PSPC1: variants seen among roughly 807,000 people sequenced by gnomAD.
PSPC1 encodes the protein paraspeckle component 1.
PSPC1 carries 14 observed loss-of-function variants against 51.6 expected under a neutral mutation model. The ratio of observed to expected loss-of-function variants is 0.27; its 90% CI spans 0.18 to 0.42. The LOEUF (loss-of-function observed/expected upper bound fraction) is 0.42, where lower values mean the gene tolerates loss of function less well. Among genes scored for constraint, PSPC1 ranks in the 10% least tolerant of loss-of-function variants. The pLI is 1.00. For synonymous variants in PSPC1, 193 were observed against 231.9 expected (o/e 0.83, Z 1.53); for missense variants, 406 against 701.1 (o/e 0.58, Z 4.75).
intron 7 of PSPC1, among the ~76,000 whole-genome samples, chr13:19,708,587 C>A (rs1343537676): frequency 6.6e-6 from 1 of 152,168 alleles, no homozygotes; most frequent in Non-Finnish European, 1.5e-5. Flanking sequence ...CAAATCCATA[C>A]TAAAGTTGCT....
chr13:19,779,987 C>T (rs1593798330), intron 1 of PSPC1, among the ~76,000 whole-genome samples: 4 of 144,778 alleles, frequency 2.8e-5, no homozygotes, highest in East Asian at 4.3e-4. Context: ...CCCGGCCAGC[C>T]GCCCCGTCCG....
At chr13:19,676,475 T>C (rs1405717588) in intron 7 of PSPC1, among the ~76,000 whole-genome samples, 1 of 152,086 alleles carries the variant, frequency 6.6e-6, no homozygotes, top group Non-Finnish European at 1.5e-5. Context: ...AGGTGTCAGA[T>C]ACTTTGAAAA....
intron 6 of PSPC1, among the ~76,000 whole-genome samples, chr13:19,711,804 A>G (rs1015718606): frequency 6.6e-6 from 1 of 151,510 alleles, no homozygotes; most frequent in Non-Finnish European, 1.5e-5. Flanking sequence ...AGATTGCACT[A>G]TTGCACTCCA....
intron 5 of PSPC1, among the ~76,000 whole-genome samples, chr13:19,739,263 G>C (rs984127709): frequency 1.2e-4 from 18 of 151,988 alleles, no homozygotes; most frequent in African/African-American, 4.4e-4. Flanking sequence ...TTAATTTCTT[G>C]TATTTTTGTA....
intron 6 of PSPC1, among the ~76,000 whole-genome samples, chr13:19,713,267 C>G (rs1208154070): frequency 1.3e-5 from 2 of 152,238 alleles, no homozygotes; most frequent in South Asian, 4.1e-4. Flanking sequence ...TTGTAACCAA[C>G]ATCTCAAAAG....
chr13:19,728,439 A>AAAACACACACAC (rs1883625327), intron 6 of PSPC1, among the ~76,000 whole-genome samples: 1 of 144,344 alleles, frequency 6.9e-6, no homozygotes, highest in African/African-American at 2.7e-5. Flanking sequence ...TCAAAGCTTA[A>AAAACACACACAC]ACACACACAC....
intron 6 of PSPC1, among the ~76,000 whole-genome samples, chr13:19,687,591 TC>T (rs1878061627): frequency 6.6e-6 from 1 of 152,196 alleles, no homozygotes; most frequent in African/African-American, 2.4e-5. Flanking sequence ...CCCTTTCTCC[TC>T]TTTTTAGCAG....
intron 6 of PSPC1, among the ~76,000 whole-genome samples, chr13:19,687,593 T>A (rs1878061935): frequency 6.6e-6 from 1 of 152,180 alleles, no homozygotes; most frequent in African/African-American, 2.4e-5. Context: ...CTTTCTCCTC[T>A]TTTTAGCAGC....
At chr13:19,694,392 AAAG>A (rs1878964949) in intron 6 of PSPC1, among the ~76,000 whole-genome samples, 1 of 152,088 alleles carries the variant, frequency 6.6e-6, no homozygotes, top group African/African-American at 2.4e-5. Flanking sequence ...AAGCCACATT[AAAG>A]GAGGGAAAAA....
At chr13:19,715,109 G>T (rs944476509) in intron 6 of PSPC1, among the ~76,000 whole-genome samples, 1 of 152,148 alleles carries the variant, frequency 6.6e-6, no homozygotes, top group East Asian at 1.9e-4. Context: ...TCTTAACTCT[G>T]TAACGTTTTC....
chr13:19,692,239 TC>T (rs1462091833), intron 6 of PSPC1, among the ~76,000 whole-genome samples: 4 of 152,122 alleles, frequency 2.6e-5, no homozygotes, highest in African/African-American at 9.7e-5. Flanking sequence ...TTCTCCTGCC[TC>T]AGCCTCCCGA....
chr13:19,767,104 T>G (rs1285438088), intron 2 of PSPC1, among the ~76,000 whole-genome samples: 1 of 150,352 alleles, frequency 6.7e-6, no homozygotes, highest in African/African-American at 2.4e-5. Context: ...AGGCCAAGAG[T>G]TCAAGACCAG....
intron 6 of PSPC1, among the ~76,000 whole-genome samples, chr13:19,712,300 C>G (rs1425856262): frequency 6.6e-6 from 1 of 152,166 alleles, no homozygotes; most frequent in South Asian, 2.1e-4. Context: ...TACAGTCTCA[C>G]TGCTTGAGAT....
chr13:19,742,814 G>A (rs1054374462), intron 4 of PSPC1, among the ~76,000 whole-genome samples: 1 of 152,128 alleles, frequency 6.6e-6, no homozygotes, highest in Admixed American at 6.6e-5. Flanking sequence ...GACACCAGCA[G>A]AGAGCACTTA....
At chr13:19,716,176 A>C (rs1882071668) in intron 6 of PSPC1, among the ~76,000 whole-genome samples, 1 of 152,214 alleles carries the variant, frequency 6.6e-6, no homozygotes, top group Non-Finnish European at 1.5e-5. Context: ...AAAATTCAAA[A>C]AAATCCAAAT....
At chr13:19,674,329 A>AAAT (rs1370378892), downstream of PSPC1, among the ~76,000 whole-genome samples, 1 of 152,242 alleles carries the variant, frequency 6.6e-6, no homozygotes, top group African/African-American at 2.4e-5. Flanking sequence ...TTCAGTCCAG[A>AAAT]AATAGAAAAA....
At chr13:19,707,253 A>G (rs1880804867) in intron 7 of PSPC1, among the ~76,000 whole-genome samples, 2 of 152,206 alleles carry the variant, frequency 1.3e-5, no homozygotes. Flanking sequence ...TATGGGTATA[A>G]AAAATCAAAA....
At chr13:19,779,914 G>T (rs1419738253) in intron 1 of PSPC1, among the ~76,000 whole-genome samples, 358 of 113,238 alleles carry the variant, frequency 3.2e-3, no homozygotes, top group African/African-American at 6.9e-3. Flanking sequence ...GGAGGTGGGG[G>T]TGTCGGCCCC....
At chr13:19,748,887 A>C (rs1172920161) in intron 4 of PSPC1, among the ~76,000 whole-genome samples, 2 of 151,950 alleles carry the variant, frequency 1.3e-5, no homozygotes, top group Non-Finnish European at 2.9e-5. Context: ...TGGGTAATAA[A>C]ATTTCAAAAC....
Sources: allele counts gnomAD v4.1 joint callset (sites outside exome capture counted in the v4.1 genomes callset), GRCh38; gene constraint gnomAD v4.1.1; transcripts MANE v1.5; gene names NCBI Gene and HGNC (gene_info 2026-07-23, HGNC 2026-07-21).